The following ARAP2 variants were observed in gnomAD, a reference collection of about 807,000 sequenced individuals.
The protein encoded by ARAP2 is ArfGAP with RhoGAP domain, ankyrin repeat and PH domain 2, also known as arf-GAP with Rho-GAP domain, ANK repeat and PH domain-containing protein 2.
A neutral mutation model predicts 194.5 loss-of-function variants in ARAP2; 148 were observed. That is an observed-to-expected ratio of 0.76 (90% CI 0.67 to 0.87). The LOEUF (loss-of-function observed/expected upper bound fraction) is 0.87. Ranked by LOEUF, ARAP2 falls within the 40% of genes least tolerant of loss-of-function variation. The pLI, the probability that ARAP2 is intolerant of heterozygous loss-of-function variation, is 0.00. For missense variants in ARAP2, 2,128 were observed against 1,989.7 expected, an observed-to-expected ratio of 1.07 and a Z score of -1.32; for synonymous variants, 695 against 683.5, an observed-to-expected ratio of 1.02 and a Z score of -0.26.
intron 5 of ARAP2, among the ~76,000 whole-genome samples, chr4:36,029,359 C>T (rs1718524306): frequency 6.6e-6 from 1 of 152,004 alleles, no homozygotes. Flanking sequence ...GTGTTTGTCA[C>T]TGTAAATTGT....
At position 36,091,963 on chromosome 4, in the gene ARAP2, G is replaced by A; in HGVS notation, c.4343C>T (p.Ser1448Phe). 6.2e-7 allele frequency: 1 copy of A among 1,607,510 alleles called. No individual in the cohort carries two copies. The highest frequency in any genetic ancestry group is 8.5e-7 in the Non-Finnish European group (1 of 1,175,342). ...EGILKIKEEP[S>F]KILSGNKFQD... ...AAACTTATTTCCAGATAGTATTTTG[G>A]ATGGTTCTTCTTTGATTTTCAAGAT... The change falls in exon 28 of 33, where the codon TCC becomes TTC. Residue 1448 changes from serine (S) to phenylalanine (F), a missense_variant. By Grantham distance (155) the Ser-to-Phe change is radical (BLOSUM62 -2). Transcript: ENST00000303965.
At position 36,229,347 on chromosome 4, in the gene ARAP2, T is replaced by G; in HGVS notation, c.140A>C (p.Gln47Pro). 5 of 1,614,126 alleles carry G rather than the reference T, an allele frequency of 3.1e-6. No individual in the cohort carries two copies. Among genetic ancestry groups the G allele is most frequent in the Non-Finnish European group, 4.2e-6 (5 of 1,179,998 alleles). Residue 47 changes from glutamine to proline, a missense_variant, in exon 2 of 33, where the codon CAG (glutamine) becomes CCG (proline). Gln to Pro is a moderately conservative substitution (Grantham distance 76). Coordinates refer to ENST00000303965, the MANE Select transcript of ARAP2 (RefSeq NM_015230.4). ...ACCTGTAGGTGATATTCCAATTTTC[T>G]GCAGCAGGCTGTCATTTATTGCTGC... ...DCAAINDSLL[Q>P]KIGISPTGHR...
At chr4:36,054,407 A>G (rs993263215) in intron 2 of ARAP2, among the ~76,000 whole-genome samples, 5 of 152,216 alleles carry the variant, frequency 3.3e-5, no homozygotes, top group African/African-American at 1.2e-4. Flanking sequence ...AAGTAGAGAG[A>G]CCTACAAAAT....
rs377092901 is a variant in ARAP2, at chr4:36,073,857, G to T, written c.4609-34C>A. On this transcript the variant is annotated intron_variant, in intron 31 of 32. Coordinates refer to ENST00000303965, the MANE Select transcript of ARAP2 (RefSeq NM_015230.4). ...ACACAATTTCTTGCTGTTGGTGTGT[G>T]ATTTTATTATGTGGTATACTATGTC... is the stretch of plus-strand genomic sequence containing the variant. 482 of 1,610,590 alleles carry T rather than the reference G, an allele frequency of 3.0e-4. 9 individuals carry two copies. The South Asian group carries it at 5.0e-3, about 17-fold the overall frequency.
intron 1 of ARAP2, among the ~76,000 whole-genome samples, chr4:36,236,461 T>A (rs746457016): frequency 9.2e-5 from 14 of 152,072 alleles, no homozygotes; most frequent in Admixed American, 5.9e-4. Context: ...AGTCATATGA[T>A]CAATCCATTA....
At chr4:36,180,040 A>T (rs535731452) in intron 8 of ARAP2, among the ~76,000 whole-genome samples, 1 of 152,170 alleles carries the variant, frequency 6.6e-6, no homozygotes, top group Non-Finnish European at 1.5e-5. Context: ...TGGGAGGCCA[A>T]GAGGGGAGGA....
chr4:36,131,499 C>T (rs947833481), intron 20 of ARAP2, among the ~76,000 whole-genome samples: 7 of 151,202 alleles, frequency 4.6e-5, no homozygotes, highest in African/African-American at 1.7e-4. Flanking sequence ...CACAATCTTC[C>T]ATTGGCTTTA....
At chr4:36,015,967 A>C (rs181299914) in intron 6 of ARAP2, 1 of 152,340 alleles carries the variant, frequency 6.6e-6, no homozygotes, top group East Asian at 1.9e-4. Flanking sequence ...CTCTAAAAAA[A>C]CATTGCATAT....
chr4:36,153,274 C>G (rs1399798646), intron 15 of ARAP2, among the ~76,000 whole-genome samples: 1 of 152,058 alleles, frequency 6.6e-6, no homozygotes, highest in East Asian at 1.9e-4. Context: ...GACAGGAAAT[C>G]GTGACATTCC....
At chr4:36,007,324 A>C (rs2109300138) in intron 9 of ARAP2, among the ~76,000 whole-genome samples, 1 of 152,310 alleles carries the variant, frequency 6.6e-6, no homozygotes, top group African/African-American at 2.4e-5. Context: ...TTTAATCAAA[A>C]CACAAGTTTC....
intron 24 of ARAP2, among the ~76,000 whole-genome samples, chr4:36,118,310 A>G (rs1721880542): frequency 6.7e-6 from 1 of 149,780 alleles, no homozygotes; most frequent in Non-Finnish European, 1.5e-5. Context: ...AAAAAAACTT[A>G]AAAAGTAAAT....
At chr4:36,119,790 A>G (rs372815692) in intron 23 of ARAP2, 72 bp from the exon 24 acceptor site, 8 of 1,044,226 alleles carry the variant, frequency 7.7e-6, no homozygotes, top group East Asian at 4.9e-5. Context: ...TCCTCATGTA[A>G]TCTTCAGGAA....
chr4:36,098,024 C>T (rs996193757), intron 27 of ARAP2, among the ~76,000 whole-genome samples: 2 of 150,300 alleles, frequency 1.3e-5, no homozygotes, highest in African/African-American at 2.5e-5. Flanking sequence ...TATCATGTAA[C>T]CAGGCAATGA....
chr4:36,124,039 G>T (rs1408609738), intron 22 of ARAP2, among the ~76,000 whole-genome samples: 1 of 151,770 alleles, frequency 6.6e-6, no homozygotes, highest in Non-Finnish European at 1.5e-5. Flanking sequence ...ATATAATGTG[G>T]ACTATATTTG....
chr4:36,153,349 G>A (rs1731455855), intron 15 of ARAP2, among the ~76,000 whole-genome samples: 1 of 152,098 alleles, frequency 6.6e-6, no homozygotes, highest in Non-Finnish European at 1.5e-5. Context: ...GTCTGTTTGG[G>A]CCAATTTAGA....
rs1720707312 is a variant in ARAP2, at chr4:36,114,068, A to G, written c.4156+102T>C. 4.5e-6 allele frequency: 4 copies of G among 896,130 alleles called. No homozygotes were observed. In the South Asian group the frequency reaches 4.6e-5, roughly 10 times the overall value. The allele number at this position is 896,130 out of a possible 1,614,324, so 55.5% of individuals were successfully genotyped here. A position where few individuals can be genotyped will look rare whatever the true frequency, so the allele number is the denominator to read the frequency against. ...TACATGCACTAAGGTAAAAAAAATC[A>G]TAACAAGATGTTAAGACATAAAATG... is the stretch of plus-strand genomic sequence containing the variant. On this transcript the variant is annotated intron_variant, in intron 26 of 32. Coordinates refer to ENST00000303965, the MANE Select transcript of ARAP2 (RefSeq NM_015230.4).
intron 20 of ARAP2, among the ~76,000 whole-genome samples, chr4:36,130,482 C>T (rs1725156508): frequency 6.6e-6 from 1 of 151,778 alleles, no homozygotes; most frequent in Non-Finnish European, 1.5e-5. Flanking sequence ...AGTCCCTATC[C>T]TCTTCTTCTA....
At chr4:36,007,752 T>C (rs1713597451) in intron 9 of ARAP2, among the ~76,000 whole-genome samples, 1 of 152,170 alleles carries the variant, frequency 6.6e-6, no homozygotes, top group African/African-American at 2.4e-5. Context: ...TAATCATAAA[T>C]ATACTATGCT....
chr4:36,151,509 C>A (rs1474784719), intron 15 of ARAP2, among the ~76,000 whole-genome samples: 1 of 152,184 alleles, frequency 6.6e-6, no homozygotes, highest in South Asian at 2.1e-4. Context: ...CACATTACCA[C>A]CTGCAGGCTA....
Sources: gnomAD v4.1 joint callset for allele counts (sites outside exome capture counted in the v4.1 genomes callset) on GRCh38, gnomAD v4.1.1 for gene constraint, MANE v1.5 for transcripts, NCBI Gene and HGNC (gene_info 2026-07-23, HGNC 2026-07-21) for gene names.